Variants in FPR3 observed in about 807,000 individuals in gnomAD.
The protein encoded by FPR3 is formyl peptide receptor 3.
For synonymous variants in FPR3, 135 were observed against 163.6 expected, an observed-to-expected ratio of 0.83 and a Z score of 1.34; for missense variants, 346 against 443.2, an observed-to-expected ratio of 0.78 and a Z score of 1.97.
At chr19:51,817,670 TTC>T (rs776932555) in intron 1 of FPR3, 1 of 152,194 alleles carries the variant, frequency 6.6e-6, no homozygotes, top group Non-Finnish European at 1.5e-5. Context: ...AATACAGGCA[TTC>T]TGTTTTGAGG....
At chr19:51,801,121 C>T (rs904732058) in intron 1 of FPR3, among the ~76,000 whole-genome samples, 3 of 151,468 alleles carry the variant, frequency 2.0e-5, no homozygotes, top group Non-Finnish European at 4.4e-5. Context: ...GAGAGACTGA[C>T]GCTCTAGGCA....
intron 1 of FPR3, among the ~76,000 whole-genome samples, chr19:51,800,230 G>A (rs923503913): frequency 2.0e-5 from 3 of 152,196 alleles, no homozygotes; most frequent in East Asian, 1.9e-4. Context: ...ATCACTTCTC[G>A]TTCTCCCAGC....
chr19:51,820,194 C>T (rs192216978), intron 1 of FPR3, among the ~76,000 whole-genome samples: 1 of 152,280 alleles, frequency 6.6e-6, no homozygotes, highest in Non-Finnish European at 1.5e-5. Flanking sequence ...AGAAATCACA[C>T]GTGCTGGAGA....
chr19:51,822,152 G>C (rs919772054), intron 1 of FPR3, among the ~76,000 whole-genome samples: 25 of 152,172 alleles, frequency 1.6e-4, no homozygotes, highest in Non-Finnish European at 3.2e-4. Flanking sequence ...ATGTGACCTG[G>C]TGCAGAGGCA....
intron 1 of FPR3, among the ~76,000 whole-genome samples, chr19:51,815,506 T>C (rs1599837273): frequency 6.7e-6 from 1 of 149,916 alleles, no homozygotes; most frequent in Non-Finnish European, 1.5e-5. Flanking sequence ...GAGGTGGAGG[T>C]TGCAGTGAGC....
chr19:51,810,472 G>A (rs908187457), intron 1 of FPR3, among the ~76,000 whole-genome samples: 2 of 152,016 alleles, frequency 1.3e-5, no homozygotes, highest in South Asian at 2.1e-4. Context: ...CAGGAATTGC[G>A]GCCCAGGTGC....
intron 1 of FPR3, among the ~76,000 whole-genome samples, chr19:51,806,662 A>G (rs1199075326): frequency 2.0e-5 from 3 of 152,252 alleles, no homozygotes; most frequent in Admixed American, 6.5e-5. Context: ...TTTGAAAAGC[A>G]TGACTAGTAT....
rs981499842 is a variant in FPR3 at position 51,824,989 on chromosome 19, G to A, written c.*179G>A. 3 of 595,160 alleles carry A rather than the reference G, an allele frequency of 5.0e-6. No individual in the cohort carries two copies. In the African/African-American group the frequency reaches 5.6e-5, roughly 11 times the overall value. The allele number at this position is 595,160 out of a possible 1,614,324, so 36.9% of individuals were successfully genotyped here. On this transcript the variant is annotated 3_prime_UTR_variant, in exon 2 of 2. Coordinates refer to ENST00000339223, the MANE Select transcript of FPR3 (RefSeq NM_002030.5). This position sits in a 1 kb window ranked among gnomAD's most constrained non-coding sequence, Gnocchi z 4.7. ...CAACCAAGCAATAGACACCAGCTGGGTGTCCTACAATTAAATTCCAACACT... is the reference window on the plus strand; with the variant it reads ...CAACCAAGCAATAGACACCAGCTGGATGTCCTACAATTAAATTCCAACACT...
At chr19:51,822,230 T>C (rs142515499) in intron 1 of FPR3, among the ~76,000 whole-genome samples, 1 of 152,190 alleles carries the variant, frequency 6.6e-6, no homozygotes, top group African/African-American at 2.4e-5. Context: ...TGCCAGGATA[T>C]CCTCCCATAG....
At chr19:51,811,791 G>C (rs564841013) in intron 1 of FPR3, 2 of 134,878 alleles carry the variant, frequency 1.5e-5, no homozygotes, top group African/African-American at 5.8e-5. Flanking sequence ...ACCAGGAGGC[G>C]ACTCGCCCTC....
At chr19:51,800,315 T>C (rs1386950291) in intron 1 of FPR3, among the ~76,000 whole-genome samples, 2 of 152,166 alleles carry the variant, frequency 1.3e-5, no homozygotes, top group African/African-American at 4.8e-5. Flanking sequence ...GAGCTCATTG[T>C]TCGGTTTTGA....
chr19:51,825,875 G>C lies in FPR3; in HGVS notation c.*1065G>C, dbSNP rs911061720. ...GAGAAGAGACAAAGTGGGGATATTT[G>C]TAAGGCTTAGATGAGATAGTGTTTT... On this transcript the variant is annotated 3_prime_UTR_variant, in exon 2 of 2. Transcript: ENST00000339223. 10 of 167,072 alleles carry C rather than the reference G, an allele frequency of 6.0e-5. No homozygotes were observed. The highest frequency in any genetic ancestry group is 2.4e-4 in the African/African-American group (10 of 41,446). The allele number at this position is 167,072 out of a possible 1,614,324, so 10.3% of individuals were successfully genotyped here.
intron 1 of FPR3, among the ~76,000 whole-genome samples, chr19:51,814,786 C>G (rs1455861358): frequency 6.7e-6 from 1 of 148,850 alleles, no homozygotes; most frequent in East Asian, 2.1e-4. Context: ...AGCCACTGCA[C>G]TCGGCCTAAA....
At chr19:51,813,549 G>C (rs1327782258) in intron 1 of FPR3, among the ~76,000 whole-genome samples, 1 of 151,248 alleles carries the variant, frequency 6.6e-6, no homozygotes. Context: ...CCTTTTTTTT[G>C]AGACAGAGTC....
chr19:51,800,871 T>C (rs545808490), intron 1 of FPR3, among the ~76,000 whole-genome samples: 1 of 152,060 alleles, frequency 6.6e-6, no homozygotes, highest in Admixed American at 6.6e-5. Context: ...AGTATATAAA[T>C]ATTAGATGCC....
rs2084229377 is a variant in FPR3 at position 51,825,926 on chromosome 19, T to C, written c.*1116T>C. On this transcript the variant is annotated 3_prime_UTR_variant, in exon 2 of 2. Transcript: ENST00000339223. Reference sequence around the variant, plus strand: ...TTTAGAAAAAAACTTTATCTTACCATTAAGTAAAATGTTTGCCATAGGCTT... The same window carrying C: ...TTTAGAAAAAAACTTTATCTTACCACTAAGTAAAATGTTTGCCATAGGCTT... 1 of 167,086 alleles carries C rather than the reference T, an allele frequency of 6.0e-6. No homozygotes were observed. The highest frequency in any genetic ancestry group is 1.5e-5 in the Non-Finnish European group (1 of 68,120). The allele number at this position is 167,086 out of a possible 1,614,324, so 10.4% of individuals were successfully genotyped here. A position where few individuals can be genotyped will look rare whatever the true frequency, so the allele number is the denominator to read the frequency against.
intron 1 of FPR3, among the ~76,000 whole-genome samples, chr19:51,822,878 G>T (rs1291051244): frequency 6.6e-6 from 1 of 151,754 alleles, no homozygotes. Context: ...TTTTTTTGTG[G>T]GGGGAAATGG....
At chr19:51,810,885 G>T (rs2084092004) in intron 1 of FPR3, among the ~76,000 whole-genome samples, 1 of 152,136 alleles carries the variant, frequency 6.6e-6, no homozygotes, top group Non-Finnish European at 1.5e-5. Flanking sequence ...AATAGGAAAA[G>T]TGCAAGGTCC....
intron 1 of FPR3, among the ~76,000 whole-genome samples, chr19:51,808,880 G>T (rs1245830394): frequency 6.6e-6 from 1 of 152,212 alleles, no homozygotes; most frequent in African/African-American, 2.4e-5. Flanking sequence ...ACTAGCTGCT[G>T]AAGTTGCATC....
Sources: gnomAD v4.1 joint callset for allele counts (sites outside exome capture counted in the v4.1 genomes callset) on GRCh38, gnomAD v4.1.1 for gene constraint, Gnocchi (gnomAD v3.1) non-coding constraint, MANE v1.5 for transcripts, NCBI Gene and HGNC (gene_info 2026-07-23, HGNC 2026-07-21) for gene names.